The following PCDHGA3 variants were observed in gnomAD, a reference collection of about 807,000 sequenced individuals.
The protein encoded by PCDHGA3 is protocadherin gamma subfamily A, 3, also known as protocadherin gamma-A3.
PCDHGA3 carries 40 observed loss-of-function variants against 58.5 expected under a neutral mutation model. The ratio of observed to expected loss-of-function variants is 0.68; its 90% confidence interval spans 0.53 to 0.89. The LOEUF (loss-of-function observed/expected upper bound fraction) is 0.89. Ranked by LOEUF, PCDHGA3 falls within the 40% of genes least tolerant of loss-of-function variation. The pLI, the probability that PCDHGA3 is intolerant of heterozygous loss-of-function variation, is 0.00. For missense variants in PCDHGA3, 1,223 were observed against 1,195.9 expected (o/e 1.02, Z -0.33); for synonymous variants, 530 against 525.7 (o/e 1.01, Z -0.11).
intron 1 of PCDHGA3, chr5:141,389,448 C>T (rs895638491): frequency 1.2e-6 from 2 of 1,610,424 alleles, no homozygotes; most frequent in Non-Finnish European, 1.7e-6. Context: ...CGACCACGAG[C>T]AGCTGCGCGC....
chr5:141,402,842 A>G, intron 1 of PCDHGA3: 1 of 1,396,816 alleles, frequency 7.2e-7, no homozygotes, highest in Non-Finnish European at 9.4e-7. Flanking sequence ...AGCAAAACTC[A>G]GCCTCTTTCT....
chr5:141,431,411 G>A lies in PCDHGA3; in HGVS notation c.2425-63396G>A. On this transcript the variant is annotated intron_variant, in intron 1 of 3. Coordinates refer to ENST00000253812, the MANE Select transcript of PCDHGA3 (RefSeq NM_018916.4). This position sits in a 1 kb window ranked among gnomAD's most constrained non-coding sequence, Gnocchi z 4.8. ...CCTGGTCCTTACGGCCTCCGACGGG[G>A]GCGACCCGGTGCGCACAGGCACCGC... 3 of 1,613,728 alleles carry A rather than the reference G, an allele frequency of 1.9e-6. No individual in the cohort carries two copies. The highest frequency in any genetic ancestry group is 2.5e-6 in the Non-Finnish European group (3 of 1,180,038).
At chr5:141,453,145 G>A (rs1329081754) in intron 1 of PCDHGA3, among the ~76,000 whole-genome samples, 3 of 151,752 alleles carry the variant, frequency 2.0e-5, no homozygotes, top group Admixed American at 6.6e-5. Context: ...ATAGGGTCTC[G>A]CTATGTCACC....
intron 1 of PCDHGA3, chr5:141,414,940 G>C: frequency 7.4e-6 from 12 of 1,614,104 alleles, no homozygotes; most frequent in Non-Finnish European, 9.3e-6. Context: ...CGCAGAGCCC[G>C]GCTACCTGGT....
intron 1 of PCDHGA3, chr5:141,415,748 T>A: frequency 9.9e-7 from 1 of 1,008,964 alleles, no homozygotes; most frequent in Non-Finnish European, 1.2e-6. Context: ...AGGTTTTTTT[T>A]TTTTTTTTTT....
intron 1 of PCDHGA3, chr5:141,417,266 T>C (rs2096102700): frequency 6.6e-6 from 1 of 152,184 alleles, no homozygotes; most frequent in Non-Finnish European, 1.5e-5. Context: ...CATAGATAAT[T>C]ACTCTTAAAA....
rs374131113 is a variant in PCDHGA3 at position 141,366,708 on chromosome 5, T to C, written c.2424+20251T>C. ...TGTGAGAAAAGCGAGCCTCTTCTGATGTCTGATAAGGTAGATGCAAACAAA... is the reference window on the plus strand; with the variant it reads ...TGTGAGAAAAGCGAGCCTCTTCTGACGTCTGATAAGGTAGATGCAAACAAA... On this transcript the variant is annotated intron_variant, in intron 1 of 3. Coordinates refer to ENST00000253812, the MANE Select transcript of PCDHGA3 (RefSeq NM_018916.4). 3.3e-5 allele frequency: 54 copies of C among 1,614,238 alleles called. No homozygotes were observed. In the African/African-American group the frequency reaches 5.9e-4, roughly 18 times the overall value.
In PCDHGA3 at chr5:141,431,463, C is replaced by T. The variant is rs139195027; in HGVS notation, c.2425-63344C>T. Reference sequence around the variant, plus strand: ...CGCATCCGCGTGATGGTTCTGGATGCGAACGACAACGCACCAGCGTTTGCT... The same window carrying T: ...CGCATCCGCGTGATGGTTCTGGATGTGAACGACAACGCACCAGCGTTTGCT... On this transcript the variant is annotated intron_variant, in intron 1 of 3. Transcript: ENST00000253812. The surrounding 1 kb of genome is among the most constrained non-coding windows in gnomAD (Gnocchi z 4.8). The T allele has an allele frequency of 3.5e-3, 5,640 of 1,613,740 alleles. 51 individuals are homozygous for T. Among genetic ancestry groups the T allele is most frequent in the South Asian group, 0.02 (1,825 of 91,088 alleles).
intron 1 of PCDHGA3, chr5:141,392,890 T>G (rs2092623202): frequency 3.1e-6 from 5 of 1,613,418 alleles, no homozygotes; most frequent in Admixed American, 1.7e-5. Context: ...CTGTGGGAAA[T>G]CGGGAGGGGA....
intron 1 of PCDHGA3, chr5:141,371,926 G>A (rs766218641): frequency 2.5e-6 from 4 of 1,613,370 alleles, no homozygotes; most frequent in East Asian, 4.5e-5. Context: ...AGCGCGCGGA[G>A]CGGGGTGGTG....
chr5:141,510,984 C>G lies in PCDHGA3; in HGVS notation c.2610C>G (p.Ala870=). ...ADGSSTLGGG[A]GTMGLSARYG... ...GGAGCTCCACCCTGGGAGGGGGTGC[C>G]GGCACCATGGGATTGAGCGCCCGCT... The change falls in exon 4 of 4, where the codon GCC becomes GCG. Residue 870 remains alanine (A), a synonymous_variant. Transcript: ENST00000253812. The G allele has an allele frequency of 1.2e-6, 2 of 1,614,162 alleles. No homozygotes were observed. The highest frequency in any genetic ancestry group is 1.7e-6 in the Non-Finnish European group (2 of 1,180,012).
chr5:141,362,432 A>G (rs776686357), intron 1 of PCDHGA3: 16 of 1,613,806 alleles, frequency 9.9e-6, no homozygotes, highest in African/African-American at 2.7e-5. Flanking sequence ...ACAGAGTTCA[A>G]TTTTCTGAAC....
At chr5:141,409,573 C>T (rs562811168) in intron 1 of PCDHGA3, 4 of 1,613,934 alleles carry the variant, frequency 2.5e-6, no homozygotes, top group African/African-American at 2.7e-5. Flanking sequence ...AGACGTCCTA[C>T]GTGGTCCACG....
chr5:141,361,728 A>T (rs1318637710), intron 1 of PCDHGA3: 3 of 1,613,128 alleles, frequency 1.9e-6, no homozygotes, highest in Non-Finnish European at 2.5e-6. Context: ...TCGAGCTCAC[A>T]CTGCAGGCCC....
At chr5:141,465,922 T>A (rs7704812) in intron 1 of PCDHGA3, among the ~76,000 whole-genome samples, 42,795 of 151,826 alleles carry the variant, frequency 0.28, 6,697 homozygotes, top group African/African-American at 0.42. Flanking sequence ...GGATTTCGAG[T>A]CCATCCTGGC....
At chr5:141,348,468 A>G (rs1758125507) in intron 1 of PCDHGA3, among the ~76,000 whole-genome samples, 1 of 152,228 alleles carries the variant, frequency 6.6e-6, no homozygotes, top group African/African-American at 2.4e-5. Context: ...TAGTATTAGT[A>G]TCACTTTCCC....
Position 141,490,479 on chromosome 5 carries a change from C to A in PCDHGA3, c.2425-4328C>A. 6.2e-7 allele frequency: 1 copy of A among 1,614,216 alleles called. No homozygotes were observed. Among genetic ancestry groups the A allele is most frequent in the South Asian group, 1.1e-5 (1 of 91,086 alleles). On this transcript the variant is annotated intron_variant, in intron 1 of 3. Transcript: ENST00000253812. The surrounding 1 kb of genome is among the most constrained non-coding windows in gnomAD (Gnocchi z 5.4). ...CGCTGCTAACCAGCCAGCCTTTGGA[C>A]CGGGAGGCCACATCCCACTATATCA...
chr5:141,491,434 A>G lies in PCDHGA3; in HGVS notation c.2425-3373A>G, dbSNP rs1362196179. The G allele has an allele frequency of 6.2e-7, 1 of 1,614,032 alleles. No individual in the cohort carries two copies. ...GGACGGGGGTGGAGGGCAGTGCTGC[A>G]GGCGCCAGGACTCACCCTCCCCGGA... On this transcript the variant is annotated intron_variant, in intron 1 of 3. Coordinates refer to ENST00000253812, the MANE Select transcript of PCDHGA3 (RefSeq NM_018916.4). The surrounding 1 kb of genome is among the most constrained non-coding windows in gnomAD (Gnocchi z 6.9).
intron 1 of PCDHGA3, chr5:141,408,026 G>A (rs1484571389): frequency 2.8e-6 from 3 of 1,081,716 alleles, no homozygotes; most frequent in African/African-American, 3.2e-5. Context: ...ACAACAGAAA[G>A]AAGAAAACCA....
Sources: allele counts gnomAD v4.1 joint callset (sites outside exome capture counted in the v4.1 genomes callset), GRCh38; gene constraint gnomAD v4.1.1; non-coding constraint Gnocchi (gnomAD v3.1); transcripts MANE v1.5; gene names NCBI Gene and HGNC (gene_info 2026-07-23, HGNC 2026-07-21).